Variants in ZNF846 observed in about 807,000 individuals in gnomAD.
The protein encoded by ZNF846 is zinc finger protein 846, also known as zinc finger protein 420 pseudogene.
A neutral mutation model predicts 16.0 loss-of-function variants in ZNF846; 15 were observed. The ratio of observed to expected loss-of-function variants is 0.94; its 90% CI spans 0.63 to 1.45. The LOEUF (loss-of-function observed/expected upper bound fraction) is 1.45. Ranked by LOEUF, ZNF846 falls within the 40% of genes most tolerant of loss-of-function variation. ZNF846 has a pLI of 0.00. For missense variants in ZNF846, 714 were observed against 622.3 expected, an observed-to-expected ratio of 1.15 and a Z score of -1.57; for synonymous variants, 229 against 212.0, an observed-to-expected ratio of 1.08 and a Z score of -0.70.
chr19:9,769,980 C>CAAA (rs765094580), upstream of ZNF846, among the ~76,000 whole-genome samples: 1 of 78,130 alleles, frequency 1.3e-5, no homozygotes, highest in Admixed American at 1.3e-4. Flanking sequence ...GACTCCGTCT[C>CAAA]AAAAAAAAAA....
chr19:9,785,156 T>C (rs1408347264), intron 1 of ZNF846, among the ~76,000 whole-genome samples: 1 of 151,764 alleles, frequency 6.6e-6, no homozygotes. Flanking sequence ...GCCCCATCTG[T>C]TCTCTCACTA....
chr19:9,780,564 C>T (rs13343291), intron 1 of ZNF846, among the ~76,000 whole-genome samples: 1 of 152,076 alleles, frequency 6.6e-6, no homozygotes, highest in Non-Finnish European at 1.5e-5. Flanking sequence ...ATTCTCCTGC[C>T]TCAGTCTCCC....
downstream of ZNF846, among the ~76,000 whole-genome samples, chr19:9,753,268 T>A (rs1005695291): frequency 4.1e-5 from 3 of 73,918 alleles, no homozygotes; most frequent in East Asian, 8.9e-4. Flanking sequence ...TTATTTATTT[T>A]TGACATGGAG....
At chr19:9,765,832 G>A (rs1478024659) in intron 1 of ZNF846, among the ~76,000 whole-genome samples, 1 of 140,090 alleles carries the variant, frequency 7.1e-6, no homozygotes, top group Non-Finnish European at 1.5e-5. Context: ...CCTTTGGGAG[G>A]TTGAAGTAGA....
At chr19:9,768,904 G>A (rs2045363102), upstream of ZNF846, among the ~76,000 whole-genome samples, 2 of 152,096 alleles carry the variant, frequency 1.3e-5, no homozygotes, top group Admixed American at 1.3e-4. Context: ...ATCCCAGGTG[G>A]ACCAGGATCC....
intron 1 of ZNF846, among the ~76,000 whole-genome samples, chr19:9,784,236 T>C (rs2045535262): frequency 6.6e-6 from 1 of 152,182 alleles, no homozygotes; most frequent in African/African-American, 2.4e-5. Context: ...CCCTCAGTAT[T>C]TATTGATCAC....
At chr19:9,784,606 C>G (rs1364162670) in intron 1 of ZNF846, among the ~76,000 whole-genome samples, 1 of 152,140 alleles carries the variant, frequency 6.6e-6, no homozygotes, top group South Asian at 2.1e-4. Context: ...TCCTCCTCAG[C>G]ACAGACCCTT....
chr19:9,765,160 G>A (rs756163244), intron 1 of ZNF846, 125 bp from the exon 2 acceptor site: 6 of 555,904 alleles, frequency 1.1e-5, no homozygotes, highest in African/African-American at 3.8e-5. Context: ...ATCACTTGAG[G>A]TCAGGAGTTT....
At chr19:9,783,526 T>TAAAA (rs1161223088) in intron 1 of ZNF846, among the ~76,000 whole-genome samples, 1 of 106,202 alleles carries the variant, frequency 9.4e-6, no homozygotes. Context: ...GTCTCATCAC[T>TAAAA]AAAAAAAAAA....
chr19:9,780,948 C>T (rs1017557307), intron 1 of ZNF846, among the ~76,000 whole-genome samples: 1 of 152,206 alleles, frequency 6.6e-6, no homozygotes, highest in African/African-American at 2.4e-5. Flanking sequence ...TTTAATTGGT[C>T]TGAGGTAGGA....
At chr19:9,784,917 A>C (rs2045542487) in intron 1 of ZNF846, among the ~76,000 whole-genome samples, 1 of 152,214 alleles carries the variant, frequency 6.6e-6, no homozygotes, top group East Asian at 1.9e-4. Context: ...GGCTAAGGTT[A>C]CAGATTAACA....
exon 6 of ZNF846, chr19:9,758,552 A>T: frequency 6.2e-7 from 1 of 1,612,946 alleles, no homozygotes; most frequent in Non-Finnish European, 8.5e-7. Context: ...AGGCTTTTTC[A>T]TGTTTAACAC....
At chr19:9,774,757 G>T in intron 1 of ZNF846, 2 of 1,568,320 alleles carry the variant, frequency 1.3e-6, no homozygotes, top group Non-Finnish European at 1.8e-6. Flanking sequence ...AGGTCTGTCT[G>T]TCAGTAATTA....
At chr19:9,775,689 C>T (rs1469578769) in intron 1 of ZNF846, among the ~76,000 whole-genome samples, 2 of 152,066 alleles carry the variant, frequency 1.3e-5, no homozygotes, top group Admixed American at 6.6e-5. Context: ...GGGTGATTAA[C>T]GTAAAATATG....
intron 1 of ZNF846, among the ~76,000 whole-genome samples, chr19:9,776,207 C>CG (rs1215127013): frequency 6.6e-6 from 1 of 152,066 alleles, no homozygotes; most frequent in Non-Finnish European, 1.5e-5. Context: ...TCCTTTTCCC[C>CG]GGGGGGGTTT....
intron 4 of ZNF846, among the ~76,000 whole-genome samples, chr19:9,761,824 G>A (rs1471311584): frequency 6.6e-6 from 1 of 152,090 alleles, no homozygotes; most frequent in African/African-American, 2.4e-5. Context: ...GAAGGTGTTG[G>A]CAAAGGACCT....
At chr19:9,759,794 T>A in intron 5 of ZNF846, 66 bp downstream of exon 5, 1 of 1,277,828 alleles carries the variant, frequency 7.8e-7, no homozygotes. Context: ...ATTTTCCTCA[T>A]ATAATTTTCA....
At chr19:9,748,680 A>G (rs1599378422), downstream of ZNF846, among the ~76,000 whole-genome samples, 1 of 148,888 alleles carries the variant, frequency 6.7e-6, no homozygotes, top group East Asian at 1.9e-4. Context: ...TTTTAAAAAC[A>G]TACCTCACCA....
At chr19:9,749,387 GT>G (rs745465895), downstream of ZNF846, among the ~76,000 whole-genome samples, 6 of 151,898 alleles carry the variant, frequency 4.0e-5, no homozygotes, top group Non-Finnish European at 7.4e-5. Flanking sequence ...CCCTGCCCTT[GT>G]TTACGCTGCC....
Sources: allele counts gnomAD v4.1 joint callset (sites outside exome capture counted in the v4.1 genomes callset), GRCh38; gene constraint gnomAD v4.1.1; transcripts MANE v1.5; gene names NCBI Gene and HGNC (gene_info 2026-07-23, HGNC 2026-07-21).